The following NR2F1-AS1 variants were observed in gnomAD, a reference collection of about 807,000 sequenced individuals.
NR2F1-AS1 encodes NR2F1 antisense RNA 1.
intron 4 of NR2F1-AS1, among the ~76,000 whole-genome samples, chr5:93,552,401 T>C (rs1314387918): frequency 6.6e-6 from 1 of 152,130 alleles, no homozygotes; most frequent in Non-Finnish European, 1.5e-5. Flanking sequence ...AAATACAAGC[T>C]AGTCAGTTTA....
At chr5:93,481,304 A>G (rs892256170) in intron 4 of NR2F1-AS1, among the ~76,000 whole-genome samples, 6 of 152,104 alleles carry the variant, frequency 3.9e-5, no homozygotes, top group African/African-American at 1.4e-4. Flanking sequence ...AAAAGGATCC[A>G]TTCATCAATA....
chr5:93,578,039 A>G (rs1277292998), intron 1 of NR2F1-AS1, among the ~76,000 whole-genome samples: 1 of 152,192 alleles, frequency 6.6e-6, no homozygotes, highest in East Asian at 1.9e-4. Flanking sequence ...GACTTTCGGG[A>G]GACCAAGATA....
intron 4 of NR2F1-AS1, among the ~76,000 whole-genome samples, chr5:93,538,469 G>T (rs921998786): frequency 6.6e-6 from 1 of 151,970 alleles, no homozygotes; most frequent in African/African-American, 2.4e-5. Context: ...GAGTGAGACT[G>T]TTTCAAAAAT....
chr5:93,506,080 A>C (rs1751179807), intron 4 of NR2F1-AS1, among the ~76,000 whole-genome samples: 1 of 152,166 alleles, frequency 6.6e-6, no homozygotes, highest in Non-Finnish European at 1.5e-5. Context: ...TGCTGCTTAT[A>C]AATTTCTTCT....
At chr5:93,531,992 TTTTTCTTCATAAGTGTGTG>T (rs1751745252) in intron 4 of NR2F1-AS1, among the ~76,000 whole-genome samples, 1 of 151,692 alleles carries the variant, frequency 6.6e-6, no homozygotes, top group Non-Finnish European at 1.5e-5. Flanking sequence ...CTCTCTACCT[TTTTTCTTCATAAGTGTGTG>T]TTTTCTTCAA....
chr5:93,427,019 T>C (rs1031271808), intron 4 of NR2F1-AS1, among the ~76,000 whole-genome samples: 3 of 152,172 alleles, frequency 2.0e-5, no homozygotes, highest in Non-Finnish European at 4.4e-5. Context: ...TAAGTATACC[T>C]AGACAAGACT....
chr5:93,448,172 C>A (rs957252686), intron 4 of NR2F1-AS1, among the ~76,000 whole-genome samples: 1 of 152,042 alleles, frequency 6.6e-6, no homozygotes. Context: ...ACATTGTGCA[C>A]ATGTACCCTA....
chr5:93,425,093 A>C (rs1035376374), intron 4 of NR2F1-AS1, among the ~76,000 whole-genome samples: 2 of 152,196 alleles, frequency 1.3e-5, no homozygotes, highest in Non-Finnish European at 2.9e-5. Context: ...CTAAAACAAC[A>C]TTTTATTTAG....
chr5:93,585,206 C>T (rs1054029785), upstream of NR2F1-AS1: 51 of 1,540,314 alleles, frequency 3.3e-5, no homozygotes, highest in Non-Finnish European at 4.2e-5. Flanking sequence ...CCGGAGCGCC[C>T]GCCACCCCCG....
At chr5:93,489,925 A>G (rs529474035) in intron 4 of NR2F1-AS1, among the ~76,000 whole-genome samples, 23 of 152,288 alleles carry the variant, frequency 1.5e-4, no homozygotes, top group African/African-American at 5.3e-4. Flanking sequence ...CTGCAAATAT[A>G]ATCTGCACTC....
At chr5:93,572,310 C>T (rs1752789210) in intron 1 of NR2F1-AS1, among the ~76,000 whole-genome samples, 2 of 152,220 alleles carry the variant, frequency 1.3e-5, no homozygotes, top group Admixed American at 1.3e-4. Flanking sequence ...TGATGTCGCT[C>T]AAACTAGATA....
intron 4 of NR2F1-AS1, among the ~76,000 whole-genome samples, chr5:93,525,427 C>T (rs1468820002): frequency 6.6e-6 from 1 of 152,160 alleles, no homozygotes; most frequent in East Asian, 1.9e-4. Context: ...CTTTAACAAT[C>T]CACTGTCAAT....
chr5:93,569,901 T>C (rs1259946507), intron 1 of NR2F1-AS1: 2 of 152,218 alleles, frequency 1.3e-5, no homozygotes, highest in Admixed American at 6.5e-5. Context: ...TGCTCACACT[T>C]GCAGCGCCTC....
intron 4 of NR2F1-AS1, among the ~76,000 whole-genome samples, chr5:93,498,555 T>C (rs933853079): frequency 2.6e-5 from 4 of 152,082 alleles, no homozygotes; most frequent in Non-Finnish European, 5.9e-5. Context: ...TCAATATTGC[T>C]TCTATATTCA....
intron 4 of NR2F1-AS1, among the ~76,000 whole-genome samples, chr5:93,414,667 G>C (rs1748931041): frequency 1.3e-5 from 2 of 152,118 alleles, no homozygotes; most frequent in Admixed American, 1.3e-4. Context: ...CAAGCCTTAG[G>C]ACCCAGTTTC....
In NR2F1-AS1 at chr5:93,579,785, AGCG is replaced by A. The variant is rs1310590505; in HGVS notation, n.313+679_313+681del. 2.0e-5 allele frequency among the ~76,000 whole-genome samples: 3 copies of A among 152,084 alleles called. No homozygotes were observed. Among genetic ancestry groups the A allele is most frequent in the Non-Finnish European group, 4.4e-5 (3 of 68,008 alleles). On this transcript the variant is annotated intron_variant and non_coding_transcript_variant, in intron 1 of 5. Coordinates refer to ENST00000660523, the Ensembl canonical transcript of NR2F1-AS1. This position sits in a 1 kb window ranked among gnomAD's most constrained non-coding sequence, Gnocchi z 5.1. ...CCCTCCCCGCCCCCAGCCGGCTGGC[AGCG>A]GCGCAGGGAGTCTGGCTCGGCTGCT...
intron 4 of NR2F1-AS1, among the ~76,000 whole-genome samples, chr5:93,551,624 A>G (rs1052730634): frequency 2.0e-5 from 3 of 152,078 alleles, no homozygotes; most frequent in Non-Finnish European, 4.4e-5. Context: ...TAAATATGAT[A>G]ACAAATGGGC....
rs190309823 is a variant in NR2F1-AS1 at position 93,568,603 on chromosome 5, C to T, written n.314-5140G>A. On this transcript the variant is annotated intron_variant and non_coding_transcript_variant, in intron 1 of 5. Coordinates refer to ENST00000660523, the Ensembl canonical transcript of NR2F1-AS1. ...CTGAAATGGTAAAACCCCAGAATAC[C>T]TAGTCACAAATCCAAAACAGAAAAA... 1.3e-3 allele frequency among the ~76,000 whole-genome samples: 193 copies of T among 152,252 alleles called. 1 individual carries two copies. The highest frequency in any genetic ancestry group is 4.3e-3 in the African/African-American group (178 of 41,544).
At chr5:93,510,220 G>A (rs1439165668) in intron 4 of NR2F1-AS1, among the ~76,000 whole-genome samples, 1 of 152,066 alleles carries the variant, frequency 6.6e-6, no homozygotes, top group Non-Finnish European at 1.5e-5. Flanking sequence ...AACTTTGTGT[G>A]TTCTATTTAT....
Sources: gnomAD v4.1 joint callset for allele counts (sites outside exome capture counted in the v4.1 genomes callset) on GRCh38, gnomAD v4.1.1 for gene constraint, Gnocchi (gnomAD v3.1) non-coding constraint, MANE v1.5 for transcripts, NCBI Gene and HGNC (gene_info 2026-07-23, HGNC 2026-07-21) for gene names.